Variants in TLE5 observed in about 807,000 individuals in gnomAD.
The protein encoded by TLE5 is TLE family member 5.
In TLE5, 7 loss-of-function variants were observed where a neutral mutation model predicts 25.8. The ratio of observed to expected loss-of-function variants is 0.27; its 90% CI spans 0.15 to 0.51. The LOEUF (loss-of-function observed/expected upper bound fraction) is 0.51, where lower values mean the gene tolerates loss of function less well. Among genes scored for constraint, TLE5 ranks in the 20% least tolerant of loss-of-function variants. The pLI is 0.97. For synonymous variants in TLE5, 132 were observed against 110.5 expected (o/e 1.20, Z -1.22); for missense variants, 149 against 250.7 (o/e 0.59, Z 2.74).
intron 3 of TLE5, 154 bp from the exon 4 acceptor site, chr19:3,056,510 G>C: frequency 1.7e-6 from 1 of 601,378 alleles, no homozygotes; most frequent in South Asian, 1.8e-5. Context: ...GCAGGTGGGA[G>C]GGAAAGAGGA....
At chr19:3,061,068 C>T (rs2090261946) in intron 2 of TLE5, 92 bp downstream of exon 2, 2 of 934,144 alleles carry the variant, frequency 2.1e-6, no homozygotes, top group Admixed American at 1.8e-5. Context: ...TATTATTTTC[C>T]CAATCTCCAG....
chr19:3,056,064 G>A (rs1319695625), intron 4 of TLE5: 2 of 538,780 alleles, frequency 3.7e-6, no homozygotes, highest in Non-Finnish European at 6.5e-6. Flanking sequence ...CGTAGGCTGT[G>A]GGGAAGGTCT....
chr19:3,062,804 CA>C, upstream of TLE5: 1 of 1,550,332 alleles, frequency 6.5e-7, no homozygotes, highest in Non-Finnish European at 8.7e-7. Context: ...GGACGCGTGC[CA>C]CGGACGTGCT....
At chr19:3,055,758 C>T in intron 4 of TLE5, 32 bp from the exon 5 acceptor site, 4 of 1,578,802 alleles carry the variant, frequency 2.5e-6, no homozygotes, top group Non-Finnish European at 3.4e-6. Flanking sequence ...GGCTTCAGTC[C>T]TGGGCGGGTG....
intron 2 of TLE5, 73 bp downstream of exon 2, chr19:3,061,087 C>T: frequency 5.2e-6 from 6 of 1,158,806 alleles, no homozygotes; most frequent in South Asian, 4.9e-5. Context: ...AGGCCTCAGC[C>T]TTGCCATCTG....
chr19:3,056,057 AGGC>A (rs1246549008), intron 4 of TLE5: 30 of 496,366 alleles, frequency 6.0e-5, no homozygotes, highest in African/African-American at 3.1e-4. Flanking sequence ...TGGGGGCCGT[AGGC>A]TGTGGGGAAG....
At chr19:3,062,601 TC>T, upstream of TLE5, 1 of 1,032,608 alleles carries the variant, frequency 9.7e-7, no homozygotes, top group Non-Finnish European at 1.2e-6. Flanking sequence ...GGCCTGCGGA[TC>T]CCCACGCCGG....
chr19:3,056,291 A>T (rs1329484722), intron 4 of TLE5, 21 bp downstream of exon 4: 2 of 1,451,508 alleles, frequency 1.4e-6, no homozygotes, highest in Non-Finnish European at 9.2e-7. Flanking sequence ...GAGGAGGAGG[A>T]GGAGGAGGAG....
chr19:3,055,517 G>T, intron 5 of TLE5, 147 bp downstream of exon 5: 1 of 599,726 alleles, frequency 1.7e-6, no homozygotes, highest in Non-Finnish European at 2.7e-6. Flanking sequence ...GCACAGGCCG[G>T]CTCTGGTGTT....
upstream of TLE5, chr19:3,062,891 TGCC>T: frequency 2.5e-5 from 32 of 1,298,754 alleles, no homozygotes; most frequent in Non-Finnish European, 3.4e-5. Flanking sequence ...GCAGCGGTAA[TGCC>T]GCCTTCCTGA....
chr19:3,062,328 C>A lies in TLE5; in HGVS notation c.-128G>T. Reference sequence around the variant, plus strand: ...AGCTCCCGGGGCCGCCGCCGCCTCCCGCGCCCGGCCTCGCCCGCTTCCTGC... The same window carrying A: ...AGCTCCCGGGGCCGCCGCCGCCTCCAGCGCCCGGCCTCGCCCGCTTCCTGC... On this transcript the variant is annotated 5_prime_UTR_variant, in exon 1 of 7. Transcript: ENST00000327141. 1 of 978,658 alleles carries A rather than the reference C, an allele frequency of 1.0e-6. No homozygotes were observed. Among genetic ancestry groups the A allele is most frequent in the South Asian group, 4.6e-5 (1 of 21,834 alleles). 60.6% of individuals were successfully genotyped at this position (978,658 alleles called of 1,614,324 possible). A position where few individuals can be genotyped will look rare whatever the true frequency, so the allele number is the denominator to read the frequency against.
rs1036277018 is a variant in TLE5, at chr19:3,053,631, A to G, written c.*188T>C. The G allele has an allele frequency of 3.2e-6, 2 of 632,678 alleles. No individual in the cohort carries two copies. The highest frequency in any genetic ancestry group is 3.7e-5 in the African/African-American group (2 of 54,370). 39.2% of individuals were successfully genotyped at this position (632,678 alleles called of 1,614,324 possible). A position where few individuals can be genotyped will look rare whatever the true frequency, so the allele number is the denominator to read the frequency against. On this transcript the variant is annotated 3_prime_UTR_variant, in exon 7 of 7. Transcript: ENST00000327141. ...GCAGGGGAGGAGGAGGGAAGCCGGG[A>G]ATGGGGTAGGAAGAAAGCTAGAGGT...
intron 3 of TLE5, 200 bp from the exon 4 acceptor site, chr19:3,056,556 C>A: frequency 1.6e-6 from 1 of 638,612 alleles, no homozygotes; most frequent in Non-Finnish European, 2.8e-6. Flanking sequence ...CCAGCCCGCC[C>A]TGGAGAGGGG....
intron 2 of TLE5, among the ~76,000 whole-genome samples, chr19:3,058,000 T>C (rs1199100818): frequency 6.6e-6 from 1 of 151,912 alleles, no homozygotes; most frequent in Non-Finnish European, 1.5e-5. Context: ...GGGTTACAGA[T>C]ATGAGCCACC....
Position 3,054,126 on chromosome 19 carries a change from G to A in TLE5, c.366C>T (p.Ile122=), listed in dbSNP as rs1050413561. The part of the protein sequence containing the change: ...KQVTAPELNS[I]IRQQLQAHQL... ...CCCAGGTCCCCATACATACTCGGAT[G>A]ATAGAGTTCAGCTCGGGAGCGGTGA... The change falls in exon 6 of 7, where the codon ATC becomes ATT. Residue 122 remains isoleucine (I), a synonymous_variant. Transcript: ENST00000327141. 15 of 1,461,898 alleles carry A rather than the reference G, an allele frequency of 1.0e-5. No homozygotes were observed. Among genetic ancestry groups the A allele is most frequent in the Non-Finnish European group, 1.4e-5 (15 of 1,069,368 alleles). The allele number at this position is 1,461,898 out of a possible 1,614,324, so 90.6% of individuals were successfully genotyped here. A position where few individuals can be genotyped will look rare whatever the true frequency, so the allele number is the denominator to read the frequency against.
In TLE5 at chr19:3,062,440, C is replaced by G. The variant is rs1405753904; in HGVS notation, c.-240G>C. The G allele has an allele frequency of 6.9e-6, 5 of 728,042 alleles. No homozygotes were observed. The African/African-American group carries it at 9.7e-5, about 14-fold the overall frequency. 45.1% of individuals were successfully genotyped at this position (728,042 alleles called of 1,614,324 possible). ...CCCCTCCCCGCCCCTCCCCGCCGCC[C>G]GCCTCCCCGCTCCCCGGCCCCACCG... On this transcript the variant is annotated 5_prime_UTR_variant, in exon 1 of 7. Transcript: ENST00000327141.
intron 5 of TLE5, 24 bp downstream of exon 5, chr19:3,055,640 C>A (rs2090210559): frequency 2.5e-6 from 4 of 1,572,816 alleles, no homozygotes; most frequent in African/African-American, 2.7e-5. Flanking sequence ...CCTCACAACC[C>A]CTCCCCAAGG....
At chr19:3,060,324 CTTTCTTTTTTTTTTTTT>C (rs2090254665) in intron 2 of TLE5, among the ~76,000 whole-genome samples, 1 of 118,078 alleles carries the variant, frequency 8.5e-6, no homozygotes, top group African/African-American at 3.6e-5. Flanking sequence ...TTCTTTTTTT[CTTTCTTTTTTTTTTTTT>C]TTTTTTTTTT....
intron 2 of TLE5, 123 bp downstream of exon 2, chr19:3,061,037 A>G: frequency 1.4e-6 from 1 of 694,426 alleles, no homozygotes; most frequent in Non-Finnish European, 2.5e-6. Flanking sequence ...TTGTCAAGTG[A>G]TTAGGTCAGA....
Sources: allele counts gnomAD v4.1 joint callset (sites outside exome capture counted in the v4.1 genomes callset), GRCh38; gene constraint gnomAD v4.1.1; transcripts MANE v1.5; gene names NCBI Gene and HGNC (gene_info 2026-07-23, HGNC 2026-07-21).